Variants in GPR15LG observed in about 807,000 individuals in gnomAD.
GPR15LG encodes protein GPR15LG.
the GPR15LG span, among the ~76,000 whole-genome samples, chr10:84,181,621 A>G: frequency 6.6e-6 from 1 of 151,882 alleles, no homozygotes; most frequent in Non-Finnish European, 1.5e-5. Context: ...GCGTCTTACT[A>G]TGATGCCCAG....
At chr10:84,179,665 A>G in the GPR15LG span, among the ~76,000 whole-genome samples, 1 of 152,168 alleles carries the variant, frequency 6.6e-6, no homozygotes, top group Non-Finnish European at 1.5e-5. Context: ...ACCAGCTATG[A>G]CACACACTTG....
chr10:84,182,027 C>G, the GPR15LG span, among the ~76,000 whole-genome samples: 3 of 152,192 alleles, frequency 2.0e-5, no homozygotes, highest in Non-Finnish European at 4.4e-5. Flanking sequence ...GTTTTTGAAA[C>G]CCAGCAAAAT....
the GPR15LG span, chr10:84,176,639 A>G: frequency 1.8e-6 from 2 of 1,092,440 alleles, no homozygotes; most frequent in Non-Finnish European, 2.8e-6. Context: ...AGCCACACAC[A>G]CTGATCAGCC....
chr10:84,176,149 A>G, the GPR15LG span, among the ~76,000 whole-genome samples: 1 of 151,126 alleles, frequency 6.6e-6, no homozygotes, highest in African/African-American at 2.4e-5. Context: ...CAGCCTCCCA[A>G]AGAGCTAGGA....
At chr10:84,177,181 G>A in the GPR15LG span, among the ~76,000 whole-genome samples, 3 of 152,226 alleles carry the variant, frequency 2.0e-5, no homozygotes, top group Non-Finnish European at 4.4e-5. Flanking sequence ...GAAGAGCAAG[G>A]CTGCCCTCTC....
At chr10:84,183,249 C>T in the GPR15LG span, among the ~76,000 whole-genome samples, 1 of 152,246 alleles carries the variant, frequency 6.6e-6, no homozygotes, top group South Asian at 2.1e-4. Flanking sequence ...AGGCACCAAG[C>T]ACAGAAAGGT....
the GPR15LG span, among the ~76,000 whole-genome samples, chr10:84,180,221 C>T: frequency 6.6e-6 from 1 of 152,254 alleles, no homozygotes; most frequent in Non-Finnish European, 1.5e-5. Context: ...TAACAGCATC[C>T]CAAGGCAGAA....
chr10:84,182,162 T>C, the GPR15LG span, among the ~76,000 whole-genome samples: 5 of 152,126 alleles, frequency 3.3e-5, no homozygotes, highest in African/African-American at 1.2e-4. Context: ...CCGTTGAGGA[T>C]ATGAGGTTTT....
the GPR15LG span, among the ~76,000 whole-genome samples, chr10:84,181,278 C>T: frequency 2.1e-4 from 32 of 151,154 alleles, no homozygotes; most frequent in South Asian, 6.3e-3. Flanking sequence ...AGGGTTTCAC[C>T]ATGTTGACCT....
the GPR15LG span, among the ~76,000 whole-genome samples, chr10:84,179,222 A>C: frequency 6.6e-6 from 1 of 152,212 alleles, no homozygotes; most frequent in African/African-American, 2.4e-5. Context: ...GAGTTATAAT[A>C]GAATCTGCCT....
chr10:84,176,405 G>A, the GPR15LG span: 3 of 1,047,888 alleles, frequency 2.9e-6, no homozygotes, highest in Non-Finnish European at 4.5e-6. Context: ...CCTGAGCCCT[G>A]TGCCTTGGAA....
the GPR15LG span, chr10:84,184,901 G>A: frequency 6.7e-7 from 1 of 1,495,348 alleles, no homozygotes; most frequent in African/African-American, 1.4e-5. Context: ...CGGGCTGCAA[G>A]GACCCTGGGA....
the GPR15LG span, among the ~76,000 whole-genome samples, chr10:84,174,857 C>T: frequency 6.6e-6 from 1 of 152,210 alleles, no homozygotes; most frequent in East Asian, 1.9e-4. Context: ...CTAGAAACTG[C>T]CTACATTTAT....
chr10:84,173,894 C>A, the GPR15LG span: 1 of 1,613,800 alleles, frequency 6.2e-7, no homozygotes, highest in Non-Finnish European at 8.5e-7. Context: ...TATCCTGCTT[C>A]TCTGCTTCTC....
At chr10:84,176,397 T>C in the GPR15LG span, 1 of 960,940 alleles carries the variant, frequency 1.0e-6, no homozygotes, top group Non-Finnish European at 1.7e-6. Context: ...TAAATATTCC[T>C]GAGCCCTGTG....
At chr10:84,182,061 C>A in the GPR15LG span, among the ~76,000 whole-genome samples, 2 of 152,222 alleles carry the variant, frequency 1.3e-5, no homozygotes, top group East Asian at 3.8e-4. Context: ...GTGGGAGACT[C>A]AGGCTGGAAG....
chr10:84,178,467 CACA>C, the GPR15LG span, among the ~76,000 whole-genome samples: 18 of 151,720 alleles, frequency 1.2e-4, no homozygotes, highest in East Asian at 3.1e-3. Context: ...CACACAAATA[CACA>C]ACACTACACA....
the GPR15LG span, chr10:84,185,046 T>C: frequency 2.4e-5 from 30 of 1,257,704 alleles, no homozygotes; most frequent in East Asian, 2.7e-4. Context: ...CATTCCACCA[T>C]GACCGGTCAC....
chr10:84,179,416 C>T, the GPR15LG span, among the ~76,000 whole-genome samples: 1 of 152,262 alleles, frequency 6.6e-6, no homozygotes, highest in South Asian at 2.1e-4. Context: ...ACGTTCTTGT[C>T]CAGGCTTGGT....
Sources: gnomAD v4.1 joint callset for allele counts (sites outside exome capture counted in the v4.1 genomes callset) on GRCh38, gnomAD v4.1.1 for gene constraint, MANE v1.5 for transcripts, NCBI Gene and HGNC (gene_info 2026-07-23, HGNC 2026-07-21) for gene names.